PHF14: variants seen among roughly 807,000 people sequenced by gnomAD.
The protein encoded by PHF14 is PHD finger protein 14.
A neutral mutation model predicts 117.9 loss-of-function variants in PHF14; 55 were observed. That is an observed-to-expected ratio of 0.47 (90% CI 0.38 to 0.58). The LOEUF is 0.58. Ranked by LOEUF, PHF14 falls within the 20% of genes least tolerant of loss-of-function variation. PHF14 has a pLI of 0.00. For missense variants in PHF14, 978 were observed against 1,122.2 expected (o/e 0.87, Z 1.84); for synonymous variants, 409 against 368.6 (o/e 1.11, Z -1.26).
chr7:11,122,094 G>T (rs1787772870), intron 17 of PHF14, among the ~76,000 whole-genome samples: 1 of 151,292 alleles, frequency 6.6e-6, no homozygotes, highest in Non-Finnish European at 1.5e-5. Flanking sequence ...TCTCACTTAT[G>T]AGTGAGAACA....
At chr7:11,149,781 T>G (rs1240771262) in intron 17 of PHF14, among the ~76,000 whole-genome samples, 1 of 150,974 alleles carries the variant, frequency 6.6e-6, no homozygotes, top group Non-Finnish European at 1.5e-5. Flanking sequence ...TCTCACTGAA[T>G]TATCTTGTTT....
At chr7:10,990,917 G>A in intron 4 of PHF14, 70 bp downstream of exon 4, 2 of 1,060,954 alleles carry the variant, frequency 1.9e-6, no homozygotes, top group Non-Finnish European at 2.7e-6. Flanking sequence ...GTACTAAGGT[G>A]GTTCTACAAT....
intron 16 of PHF14, among the ~76,000 whole-genome samples, chr7:11,074,429 C>A (rs148381698): frequency 0.013 from 1,921 of 152,186 alleles, 41 homozygotes; most frequent in East Asian, 0.1. Flanking sequence ...CCAGGATGGT[C>A]TCGATCTCCT....
chr7:11,071,537 C>T (rs1047072919), intron 16 of PHF14, among the ~76,000 whole-genome samples: 6 of 152,128 alleles, frequency 3.9e-5, no homozygotes, highest in African/African-American at 1.4e-4. Context: ...TAATTTTCGT[C>T]CCATTAAATT....
chr7:11,047,225 C>T lies in PHF14; in HGVS notation c.2313-4387C>T, dbSNP rs1338834122. 3.3e-5 allele frequency among the ~76,000 whole-genome samples: 5 copies of T among 151,790 alleles called. No homozygotes were observed. The East Asian group carries it at 7.9e-4, about 24-fold the overall frequency. ...CTGGGACTACAGGCGCGTGCCACCA[C>T]GCCCAGCTAATTTTTTGTATTTTTA... On this transcript the variant is annotated intron_variant, in intron 13 of 17. Transcript: ENST00000634607.
chr7:11,044,420 T>G lies in PHF14; in HGVS notation c.2312+1606T>G, dbSNP rs115166444. 6.4e-3 allele frequency among the ~76,000 whole-genome samples: 975 copies of G among 152,296 alleles called. 11 individuals carry two copies. The highest frequency in any genetic ancestry group is 0.022 in the African/African-American group (927 of 41,566). ...TAAACAACTTAGAGCCTTTTCATTG[T>G]TGTTAGTGGTTTTTAAGTAAAAGTA... On this transcript the variant is annotated intron_variant, in intron 13 of 17. Coordinates refer to ENST00000634607, the MANE Select transcript of PHF14 (RefSeq NM_001007157.2).
intron 7 of PHF14, 22 bp downstream of exon 7, chr7:11,028,840 G>T: frequency 1.9e-6 from 3 of 1,606,674 alleles, no homozygotes; most frequent in Non-Finnish European, 2.6e-6. Context: ...TAAACCCATA[G>T]TTGGTGAACA....
chr7:11,134,701 C>G (rs1191549464), intron 17 of PHF14, among the ~76,000 whole-genome samples: 1 of 152,022 alleles, frequency 6.6e-6, no homozygotes, highest in African/African-American at 2.4e-5. Flanking sequence ...TTTATTGGTT[C>G]AGTCTATCAT....
At chr7:11,090,407 T>G (rs902712471) in intron 16 of PHF14, among the ~76,000 whole-genome samples, 12 of 152,304 alleles carry the variant, frequency 7.9e-5, no homozygotes, top group Non-Finnish European at 1.3e-4. Context: ...GTCAATAACT[T>G]TCCTTATAAG....
chr7:11,088,548 T>C (rs906556720), intron 16 of PHF14, among the ~76,000 whole-genome samples: 3 of 152,238 alleles, frequency 2.0e-5, no homozygotes, highest in Non-Finnish European at 4.4e-5. Flanking sequence ...TGTATTTCAT[T>C]TGTAATCCTG....
intron 16 of PHF14, among the ~76,000 whole-genome samples, chr7:11,087,997 T>G (rs1404140201): frequency 1.3e-5 from 2 of 152,190 alleles, no homozygotes; most frequent in African/African-American, 2.4e-5. Flanking sequence ...GTCCACTTTG[T>G]TTAATTCAGT....
At chr7:11,030,000 CAG>C (rs1400746063) in intron 7 of PHF14, among the ~76,000 whole-genome samples, 3 of 151,566 alleles carry the variant, frequency 2.0e-5, no homozygotes, top group Non-Finnish European at 4.4e-5. Flanking sequence ...TATGAATAAA[CAG>C]ATCTTATAGG....
At chr7:11,011,136 ATACT>A (rs1409538277) in intron 4 of PHF14, among the ~76,000 whole-genome samples, 6 of 152,314 alleles carry the variant, frequency 3.9e-5, no homozygotes, top group East Asian at 1.9e-4. Context: ...TTTTAATGAA[ATACT>A]TACATGTAAC....
At chr7:11,071,835 ACT>A (rs1364339006) in intron 16 of PHF14, among the ~76,000 whole-genome samples, 2 of 152,266 alleles carry the variant, frequency 1.3e-5, no homozygotes, top group East Asian at 3.9e-4. Flanking sequence ...TGTTAAAGTG[ACT>A]CTCATATGAA....
chr7:11,128,453 A>G (rs907931448), intron 17 of PHF14, among the ~76,000 whole-genome samples: 2 of 151,838 alleles, frequency 1.3e-5, no homozygotes, highest in African/African-American at 4.8e-5. Context: ...CTTTATTCCA[A>G]ACATCTCCTT....
At chr7:10,974,487 C>T (rs1209152710) in intron 1 of PHF14, among the ~76,000 whole-genome samples, 163 bp downstream of exon 1, 1 of 152,154 alleles carries the variant, frequency 6.6e-6, no homozygotes, top group East Asian at 1.9e-4. Context: ...TGTTTTATTC[C>T]CTGATTTTTG....
chr7:11,062,844 G>C (rs1299415828), intron 16 of PHF14: 2 of 984,970 alleles, frequency 2.0e-6, no homozygotes, highest in African/African-American at 1.7e-5. Flanking sequence ...ACTTTCAAAG[G>C]ACAGTGTCAC....
chr7:11,090,776 A>G (rs564411356), intron 16 of PHF14, among the ~76,000 whole-genome samples: 1 of 152,350 alleles, frequency 6.6e-6, no homozygotes, highest in Non-Finnish European at 1.5e-5. Context: ...TAGAGGGTTT[A>G]TAAGAGACAG....
chr7:11,129,529 C>A (rs1788028175), intron 17 of PHF14, among the ~76,000 whole-genome samples: 1 of 144,774 alleles, frequency 6.9e-6, no homozygotes, highest in African/African-American at 2.6e-5. Flanking sequence ...ATGAAAATGC[C>A]TATTTTGTGT....
Sources: allele counts gnomAD v4.1 joint callset (sites outside exome capture counted in the v4.1 genomes callset), GRCh38; gene constraint gnomAD v4.1.1; transcripts MANE v1.5; gene names NCBI Gene and HGNC (gene_info 2026-07-23, HGNC 2026-07-21).